The following TPO variants were observed in gnomAD, a reference collection of about 807,000 sequenced individuals.
TPO encodes thyroid peroxidase.
A neutral mutation model predicts 96.9 loss-of-function variants in TPO; 78 were observed. That is an observed-to-expected ratio of 0.81 (90% CI 0.67 to 0.97). The LOEUF is 0.97. Ranked by LOEUF, TPO falls within the 50% of genes least tolerant of loss-of-function variation. The pLI is 0.00. For synonymous variants in TPO, 547 were observed against 538.0 expected (o/e 1.02, Z -0.23); for missense variants, 1,252 against 1,274.8 (o/e 0.98, Z 0.27).
intron 1 of TPO, among the ~76,000 whole-genome samples, chr2:1,397,703 C>A (rs1662103800): frequency 6.6e-6 from 1 of 152,172 alleles, no homozygotes; most frequent in Admixed American, 6.5e-5. Flanking sequence ...CTCCAAGCCT[C>A]CCACCCCCGG....
At chr2:1,537,588 C>T (rs1210839508) in intron 15 of TPO, among the ~76,000 whole-genome samples, 2 of 102,556 alleles carry the variant, frequency 2.0e-5, no homozygotes, top group East Asian at 3.1e-4. Flanking sequence ...ACCCCCAAAT[C>T]CCCCCATTGT....
chr2:1,431,776 TAAAC>T (rs754954214), intron 3 of TPO, among the ~76,000 whole-genome samples: 119 of 152,174 alleles, frequency 7.8e-4, no homozygotes, highest in Non-Finnish European at 1.3e-3. Flanking sequence ...TTATTATTAA[TAAAC>T]AAAAATATAA....
At chr2:1,533,434 C>T (rs1256547549) in intron 15 of TPO, among the ~76,000 whole-genome samples, 1 of 113,592 alleles carries the variant, frequency 8.8e-6, no homozygotes, top group Admixed American at 1.0e-4. Context: ...TGTGTGCAAC[C>T]TCCCGAAATC....
At chr2:1,524,064 C>G (rs1675836163) in intron 15 of TPO, among the ~76,000 whole-genome samples, 2 of 127,948 alleles carry the variant, frequency 1.6e-5, no homozygotes, top group Admixed American at 1.7e-4. Context: ...GGCAACAACA[C>G]CAAATCCTGC....
chr2:1,400,786 G>A (rs1662156483), intron 1 of TPO, among the ~76,000 whole-genome samples: 1 of 152,170 alleles, frequency 6.6e-6, no homozygotes, highest in Non-Finnish European at 1.5e-5. Flanking sequence ...TTAACTTCAT[G>A]TGGAGTCTTC....
chr2:1,519,365 G>A (rs901069458), intron 15 of TPO, among the ~76,000 whole-genome samples: 5 of 152,218 alleles, frequency 3.3e-5, no homozygotes, highest in African/African-American at 9.7e-5. Context: ...TGGAGGTCGT[G>A]CCACAGCTGC....
chr2:1,524,413 C>T (rs1573542547), intron 15 of TPO, among the ~76,000 whole-genome samples: 1 of 127,242 alleles, frequency 7.9e-6, no homozygotes, highest in Non-Finnish European at 1.7e-5. Context: ...CCAACTTTCC[C>T]TCCCATTGTG....
chr2:1,409,000 C>T (rs1192000613), upstream of TPO, among the ~76,000 whole-genome samples: 1 of 152,186 alleles, frequency 6.6e-6, no homozygotes, highest in Non-Finnish European at 1.5e-5. Context: ...GGTCAGGAGG[C>T]TGTTTTACAT....
intron 1 of TPO, among the ~76,000 whole-genome samples, chr2:1,402,824 A>AG (rs1344799679): frequency 6.6e-6 from 1 of 152,134 alleles, no homozygotes. Context: ...GATGAGATTG[A>AG]GGGGGGACAC....
intron 14 of TPO, among the ~76,000 whole-genome samples, chr2:1,510,486 G>A (rs58501447): frequency 0.081 from 12,286 of 152,196 alleles, 667 homozygotes; most frequent in African/African-American, 0.15. Flanking sequence ...CCCTCCCAAT[G>A]TTTTCTTCTG....
chr2:1,477,644 C>A (rs772495523), intron 8 of TPO, 40 bp downstream of exon 8: 4 of 1,450,080 alleles, frequency 2.8e-6, no homozygotes, highest in Middle Eastern at 2.5e-4. Context: ...TGGCTGCGGG[C>A]AAAGCGGGGG....
intron 7 of TPO, among the ~76,000 whole-genome samples, chr2:1,470,983 G>C (rs528416964): frequency 2.6e-5 from 4 of 152,164 alleles, no homozygotes; most frequent in African/African-American, 9.7e-5. Context: ...TTTATTCTTG[G>C]ATTGAATTTG....
chr2:1,537,852 T>A (rs1009139645), intron 15 of TPO, among the ~76,000 whole-genome samples: 11 of 26,704 alleles, frequency 4.1e-4, no homozygotes, highest in South Asian at 5.3e-3. Context: ...CCCCACTGTG[T>A]GCAATCTCAA....
rs761161743 is a variant in TPO at position 1,504,075 on chromosome 2, C to T, written c.2514C>T (p.Cys838=). Residue 838 remains cysteine, a synonymous_variant, in exon 14 of 17, where the codon TGC becomes TGT. Transcript: ENST00000329066. The part of the protein sequence containing the change: ...PYELGDDGRT[C]VDSGRLPRVT... ...AGTTAGGAGACGATGGGAGAACCTG[C>T]GTAGGTGAGGCTGTTCCCCTCTCTC... 11 of 1,614,088 alleles carry T rather than the reference C, an allele frequency of 6.8e-6. No individual in the cohort carries two copies. The highest frequency in any genetic ancestry group is 1.3e-5 in the African/African-American group (1 of 75,054).
chr2:1,404,013 A>G (rs1457173746), intron 1 of TPO, among the ~76,000 whole-genome samples: 1 of 152,226 alleles, frequency 6.6e-6, no homozygotes, highest in Non-Finnish European at 1.5e-5. Flanking sequence ...TTTTGGATAT[A>G]TGCAATCTTG....
chr2:1,485,824 G>A (rs1558346436), intron 9 of TPO, among the ~76,000 whole-genome samples: 1 of 152,152 alleles, frequency 6.6e-6, no homozygotes. Flanking sequence ...CAGATGGGTA[G>A]ATTGCAAAAA....
chr2:1,448,375 C>A (rs1316170365), intron 5 of TPO, among the ~76,000 whole-genome samples: 1 of 152,178 alleles, frequency 6.6e-6, no homozygotes, highest in African/African-American at 2.4e-5. Context: ...TCTGCCGAGC[C>A]CTCCCGACCC....
At chr2:1,515,650 G>T (rs974444822) in intron 14 of TPO, among the ~76,000 whole-genome samples, 16 of 152,190 alleles carry the variant, frequency 1.1e-4, no homozygotes, top group African/African-American at 3.9e-4. Context: ...GACACGACCT[G>T]TGTCCGGGCT....
At chr2:1,491,186 A>C (rs886682664) in intron 10 of TPO, among the ~76,000 whole-genome samples, 4 of 151,668 alleles carry the variant, frequency 2.6e-5, no homozygotes, top group South Asian at 2.1e-4. Context: ...AACCAAAAAA[A>C]CACTTTTTTT....
Sources: allele counts gnomAD v4.1 joint callset (sites outside exome capture counted in the v4.1 genomes callset), GRCh38; gene constraint gnomAD v4.1.1; transcripts MANE v1.5; gene names NCBI Gene and HGNC (gene_info 2026-07-23, HGNC 2026-07-21).